UTP18: variants seen among roughly 807,000 people sequenced by gnomAD.
UTP18 encodes UTP18 small subunit processome component.
In UTP18, 36 loss-of-function variants were observed where a neutral mutation model predicts 61.1. The ratio of observed to expected loss-of-function variants is 0.59; its 90% CI spans 0.45 to 0.78. The LOEUF (loss-of-function observed/expected upper bound fraction) is 0.78. Among genes scored for constraint, UTP18 ranks in the 30% least tolerant of loss-of-function variants. The pLI is 0.00. For synonymous variants in UTP18, 282 were observed against 251.1 expected, an observed-to-expected ratio of 1.12 and a Z score of -1.16; for missense variants, 753 against 693.9, an observed-to-expected ratio of 1.09 and a Z score of -0.96.
chr17:51,287,564 G>A (rs1020344075), intron 10 of UTP18, among the ~76,000 whole-genome samples: 1 of 152,200 alleles, frequency 6.6e-6, no homozygotes, highest in Non-Finnish European at 1.5e-5. Flanking sequence ...GAGGCGGGAG[G>A]AGGGGTGATG....
rs1328608295 is a variant in UTP18, at chr17:51,280,082, TATTTGC to T, written c.1097_1102del (p.His366_Leu367del). 6.2e-7 allele frequency: 1 copy of T among 1,613,678 alleles called. No individual in the cohort carries two copies. Among genetic ancestry groups the T allele is most frequent in the East Asian group, 2.2e-5 (1 of 44,890 alleles). On this transcript the variant is annotated inframe_deletion, in exon 8 of 14. Transcript: ENST00000225298. ...CTTGCTCATAAATGGCATTGCTGGA[TATTTGC>T]ATTTGCTAGCAATGAAGGTAAAGCA...
chr17:51,296,793 C>T (rs1362961486), intron 12 of UTP18, 172 bp from the exon 13 acceptor site: 1 of 577,028 alleles, frequency 1.7e-6, no homozygotes, highest in African/African-American at 1.9e-5. Context: ...CTGAGGCGTT[C>T]AGATCCTCCA....
chr17:51,277,616 A>G (rs1232312339), intron 7 of UTP18, among the ~76,000 whole-genome samples: 3 of 152,192 alleles, frequency 2.0e-5, no homozygotes, highest in Non-Finnish European at 4.4e-5. Flanking sequence ...CCATGGAGCT[A>G]GAAGACCTGG....
chr17:51,277,497 A>G (rs1904770882), intron 7 of UTP18, among the ~76,000 whole-genome samples, 193 bp downstream of exon 7: 1 of 152,228 alleles, frequency 6.6e-6, no homozygotes, highest in South Asian at 2.1e-4. Flanking sequence ...TTTACTGAAC[A>G]CTTACGGAAT....
At chr17:51,290,238 A>G (rs1905208693) in intron 11 of UTP18, among the ~76,000 whole-genome samples, 1 of 152,090 alleles carries the variant, frequency 6.6e-6, no homozygotes, top group Admixed American at 6.5e-5. Context: ...CAACATGGTG[A>G]AACCCCATCT....
chr17:51,291,978 A>G (rs974548642), intron 11 of UTP18, among the ~76,000 whole-genome samples: 3 of 152,132 alleles, frequency 2.0e-5, no homozygotes, highest in Non-Finnish European at 2.9e-5. Context: ...TTTCCTGATC[A>G]TCTGCTTTCC....
intron 4 of UTP18, among the ~76,000 whole-genome samples, 163 bp downstream of exon 4, chr17:51,269,067 G>T (rs958800929): frequency 6.6e-6 from 1 of 151,878 alleles, no homozygotes; most frequent in African/African-American, 2.4e-5. Flanking sequence ...CGGGTGGATC[G>T]CTTGAGTCCA....
At chr17:51,271,225 C>T (rs1345787509) in intron 4 of UTP18, among the ~76,000 whole-genome samples, 3 of 152,208 alleles carry the variant, frequency 2.0e-5, no homozygotes, top group East Asian at 3.9e-4. Context: ...AAATTCTCAC[C>T]TGTCTTCAAG....
At chr17:51,268,728 A>G (rs1904397106) in intron 3 of UTP18, 109 bp from the exon 4 acceptor site, 2 of 819,500 alleles carry the variant, frequency 2.4e-6, no homozygotes, top group African/African-American at 3.4e-5. Flanking sequence ...TTTGGAAGAG[A>G]GTCCATACGT....
At chr17:51,285,442 AGGT>A in intron 10 of UTP18, 74 bp downstream of exon 10, 1 of 1,543,400 alleles carries the variant, frequency 6.5e-7, no homozygotes, top group Non-Finnish European at 8.8e-7. Flanking sequence ...TGAATATACT[AGGT>A]GGTGCATGAG....
intron 13 of UTP18, 85 bp downstream of exon 13, chr17:51,297,088 G>C: frequency 8.3e-7 from 1 of 1,198,860 alleles, no homozygotes; most frequent in Non-Finnish European, 1.2e-6. Context: ...CATTAGCTGA[G>C]CTTTGTTTCT....
At chr17:51,286,648 AG>A (rs1354102201) in intron 10 of UTP18, 2 of 448,340 alleles carry the variant, frequency 4.5e-6, no homozygotes, top group African/African-American at 4.0e-5. Context: ...GCCCTGATGA[AG>A]GCCCCTTCCT....
intron 1 of UTP18, among the ~76,000 whole-genome samples, chr17:51,261,972 G>A (rs901652196): frequency 2.6e-5 from 4 of 152,186 alleles, no homozygotes; most frequent in East Asian, 1.9e-4. Flanking sequence ...GGTGGGAGCT[G>A]TTGGGTTTGA....
chr17:51,280,051 G>A lies in UTP18; in HGVS notation c.1059G>A (p.Gly353=). 2 of 1,614,016 alleles carry A rather than the reference G, an allele frequency of 1.2e-6. No individual in the cohort carries two copies. Among genetic ancestry groups the A allele is most frequent in the Middle Eastern group, 1.7e-4 (1 of 6,056 alleles). The change falls in exon 8 of 14, where the codon GGG becomes GGA. Residue 353 remains glycine, a synonymous_variant. Coordinates refer to ENST00000225298, the MANE Select transcript of UTP18 (RefSeq NM_016001.3). ...IVRSFEVSPD[G]SFLLINGIAG... ...GGAGCTTTGAAGTCTCCCCAGATGGGTCCTTCTTGCTCATAAATGGCATTG... is the reference window on the plus strand; with the variant it reads ...GGAGCTTTGAAGTCTCCCCAGATGGATCCTTCTTGCTCATAAATGGCATTG...
intron 4 of UTP18, among the ~76,000 whole-genome samples, chr17:51,269,839 T>TTTTG (rs111747821): frequency 2.2e-5 from 3 of 137,804 alleles, no homozygotes; most frequent in Admixed American, 7.5e-5. Flanking sequence ...AAATAATGTA[T>TTTTG]TGTGTGTGTG....
At chr17:51,277,425 A>G (rs1360737216) in intron 7 of UTP18, 121 bp downstream of exon 7, 4 of 1,156,716 alleles carry the variant, frequency 3.5e-6, no homozygotes, top group Admixed American at 2.8e-5. Flanking sequence ...CTTTAGGTAT[A>G]GTGTTTGGAA....
At chr17:51,266,880 G>A (rs1213286294) in intron 3 of UTP18, among the ~76,000 whole-genome samples, 2 of 151,956 alleles carry the variant, frequency 1.3e-5, no homozygotes, top group Admixed American at 6.6e-5. Flanking sequence ...TTTTTTTGAG[G>A]TAGGATCTCA....
At chr17:51,274,116 C>T (rs1014976104) in intron 5 of UTP18, among the ~76,000 whole-genome samples, 18 of 152,194 alleles carry the variant, frequency 1.2e-4, no homozygotes, top group Non-Finnish European at 2.6e-4. Context: ...AAGCCTTTTT[C>T]TGTTTCTTGG....
intron 7 of UTP18, among the ~76,000 whole-genome samples, chr17:51,279,155 A>G (rs1904827844): frequency 6.6e-6 from 1 of 152,226 alleles, no homozygotes; most frequent in Non-Finnish European, 1.5e-5. Context: ...TTAAAAATCT[A>G]CTATGTAGAA....
Sources: gnomAD v4.1 joint callset for allele counts (sites outside exome capture counted in the v4.1 genomes callset) on GRCh38, gnomAD v4.1.1 for gene constraint, MANE v1.5 for transcripts, NCBI Gene and HGNC (gene_info 2026-07-23, HGNC 2026-07-21) for gene names.